Variants in ITGB1 observed in about 807,000 individuals in gnomAD.
The protein encoded by ITGB1 is integrin beta-1.
A neutral mutation model predicts 86.5 loss-of-function variants in ITGB1; 24 were observed. The observed-to-expected ratio is 0.28, with a 90% CI of 0.20 to 0.39. ITGB1 has a LOEUF of 0.39. Ranked by LOEUF, ITGB1 falls within the 10% of genes least tolerant of loss-of-function variation. The probability of loss-of-function intolerance (pLI) is 1.00; values close to 1 mark genes in which losing one functional copy is unlikely to be tolerated. For missense variants in ITGB1, 556 were observed against 946.9 expected (o/e 0.59, Z 5.42); for synonymous variants, 323 against 316.8 (o/e 1.02, Z -0.21).
At position 32,926,113 on chromosome 10, in the gene ITGB1, C is replaced by A. The variant is rs369042692; in HGVS notation, c.548-4G>T. The A allele has an allele frequency of 4.4e-6, 7 of 1,590,442 alleles. No individual in the cohort carries two copies. In the African/African-American group the frequency reaches 8.2e-5, roughly 19 times the overall value. The stretch of plus-strand genomic sequence containing the variant: ...TTTTCCACAAATGAGCCAAATCCTG[C>A]CAAGAAAAAAATGGTACATAAATGA... On this transcript the variant is annotated splice_region_variant and splice_polypyrimidine_tract_variant and intron_variant, in intron 5 of 15. Transcript: ENST00000302278.
chr10:32,932,554 A>G lies in ITGB1; in HGVS notation c.114T>C (p.Cys38=). Residue 38 remains cysteine (C), a synonymous_variant, in exon 3 of 16, where the codon TGT becomes TGC. Transcript: ENST00000302278. ...LKANAKSCGE[C]IQAGPNCGWC... ...ACCCACAATTTGGCCCTGCTTGTAT[A>G]CATTCTCCACATGATTTGGCATTTG... The G allele has an allele frequency of 6.2e-7, 1 of 1,610,886 alleles. No individual in the cohort carries two copies. The highest frequency in any genetic ancestry group is 1.3e-5 in the African/African-American group (1 of 74,968).
chr10:32,945,326 G>A (rs1019155870), intron 1 of ITGB1, among the ~76,000 whole-genome samples: 1 of 152,142 alleles, frequency 6.6e-6, no homozygotes, highest in African/African-American at 2.4e-5. Flanking sequence ...TAGGCTGGGT[G>A]CAGTGGCTCA....
At chr10:32,922,384 TATTC>T (rs1417509324) in intron 8 of ITGB1, 38 bp from the exon 9 acceptor site, 4 of 1,365,092 alleles carry the variant, frequency 2.9e-6, no homozygotes, top group Non-Finnish European at 4.2e-6. Flanking sequence ...ATACAACTGC[TATTC>T]ATTCAACCAA....
At chr10:32,941,659 G>T (rs1003009047) in intron 1 of ITGB1, among the ~76,000 whole-genome samples, 50 of 152,260 alleles carry the variant, frequency 3.3e-4, no homozygotes, top group African/African-American at 1.2e-3. Flanking sequence ...AGGACAGGGG[G>T]CAAGACAGGA....
intron 1 of ITGB1, among the ~76,000 whole-genome samples, chr10:32,939,757 TGAGTGAGTGAGA>T (rs1295035530): frequency 7.3e-6 from 1 of 136,938 alleles, no homozygotes; most frequent in African/African-American, 3.0e-5. Context: ...AGTGAGTGAG[TGAGTGAGTGAGA>T]GGGGCAAGTG....
Position 32,928,167 on chromosome 10 carries a change from A to C in ITGB1, c.474T>G (p.Asp158Glu). ...TTCCAAGACTTTTTACATTCTCCAA[A>C]TCGTCTTTCATTGAGTAAGACAGGT... ...LMDLSYSMKDDLENVKSLGTD... is the reference protein window; with the variant it reads ...LMDLSYSMKDELENVKSLGTD... Residue 158 changes from aspartate to glutamate, a missense_variant, in exon 5 of 16, where the codon GAT (aspartate) becomes GAG (glutamate). Physicochemically the swap from Asp to Glu is conservative, Grantham distance 45. Transcript: ENST00000302278. 6.6e-7 allele frequency: 1 copy of C among 1,523,154 alleles called. No individual in the cohort carries two copies. Among genetic ancestry groups the C allele is most frequent in the Non-Finnish European group, 9.1e-7 (1 of 1,096,970 alleles). 94.4% of individuals were successfully genotyped at this position (1,523,154 alleles called of 1,614,324 possible). A position where few individuals can be genotyped will look rare whatever the true frequency, so the allele number is the denominator to read the frequency against.
At chr10:32,950,473 G>A (rs756805563) in intron 1 of ITGB1, among the ~76,000 whole-genome samples, 4 of 152,070 alleles carry the variant, frequency 2.6e-5, no homozygotes, top group Non-Finnish European at 2.9e-5. Flanking sequence ...GCAGGAAGAG[G>A]TGTGTTGGTC....
intron 15 of ITGB1, 45 bp downstream of exon 15, chr10:32,908,322 AT>A: frequency 1.9e-6 from 3 of 1,561,620 alleles, no homozygotes; most frequent in Non-Finnish European, 2.6e-6. Flanking sequence ...GGAGTATTAC[AT>A]TTACTTTATA....
intron 11 of ITGB1, among the ~76,000 whole-genome samples, chr10:32,913,536 A>G (rs1359107988): frequency 1.3e-5 from 2 of 152,250 alleles, no homozygotes; most frequent in African/African-American, 2.4e-5. Context: ...AAGCTTCAGT[A>G]GCCGATTCGA....
At position 32,935,530 on chromosome 10, in the gene ITGB1, C is replaced by A. The variant is rs200458757; in HGVS notation, c.29G>T (p.Gly10Val). 55 of 1,613,262 alleles carry A rather than the reference C, an allele frequency of 3.4e-5. No homozygotes were observed. The South Asian group carries it at 6.0e-4, about 18-fold the overall frequency. MNLQPIFWI[G>V]LISSVCCVFA... is the part of the protein sequence containing the mutation. Reference sequence around the variant, plus strand: ...CACACAGCAAACTGAACTGATCAGTCCAATCCAGAAAATTGGTTGTAAATT... The same window carrying A: ...CACACAGCAAACTGAACTGATCAGTACAATCCAGAAAATTGGTTGTAAATT... Residue 10 changes from glycine to valine, a missense_variant, in exon 2 of 16, where the codon GGA becomes GTA. Coordinates refer to ENST00000302278, the MANE Select transcript of ITGB1 (RefSeq NM_002211.4).
chr10:32,950,490 G>T (rs2095040475), intron 1 of ITGB1, among the ~76,000 whole-genome samples: 1 of 152,032 alleles, frequency 6.6e-6, no homozygotes, highest in East Asian at 1.9e-4. Flanking sequence ...GGTCACTACA[G>T]AGGTGTTTAT....
chr10:32,933,056 C>T (rs1295714957), intron 2 of ITGB1, among the ~76,000 whole-genome samples: 4 of 152,040 alleles, frequency 2.6e-5, no homozygotes, highest in Non-Finnish European at 4.4e-5. Flanking sequence ...TCCTCCCCAC[C>T]TTCTCACTAC....
intron 4 of ITGB1, among the ~76,000 whole-genome samples, chr10:32,929,294 C>A (rs1266404254): frequency 1.3e-5 from 2 of 152,030 alleles, no homozygotes; most frequent in Admixed American, 6.6e-5. Flanking sequence ...AGAGGGCTGA[C>A]CTGGTTGAGG....
intron 1 of ITGB1, among the ~76,000 whole-genome samples, chr10:32,939,413 G>A (rs1371046709): frequency 6.6e-6 from 1 of 152,114 alleles, no homozygotes; most frequent in African/African-American, 2.4e-5. Flanking sequence ...TGAGAAATGC[G>A]AAGGCAATCT....
chr10:32,910,560 C>A lies in ITGB1; in HGVS notation c.1932-105G>T, dbSNP rs2094910131. 5 of 679,720 alleles carry A rather than the reference C, an allele frequency of 7.4e-6. No homozygotes were observed. In the East Asian group the frequency reaches 1.4e-4, roughly 19 times the overall value. The allele number at this position is 679,720 out of a possible 1,614,324, so 42.1% of individuals were successfully genotyped here. A position where few individuals can be genotyped will look rare whatever the true frequency, so the allele number is the denominator to read the frequency against. On this transcript the variant is annotated intron_variant, in intron 13 of 15. Transcript: ENST00000302278. ...AACTCTTGTGACCAAATTGAACAAA[C>A]AGCTATGAAGGAAGATTTCAATAAA...
At chr10:32,907,002 C>A in intron 15 of ITGB1, 2 of 743,386 alleles carry the variant, frequency 2.7e-6, no homozygotes, top group Non-Finnish European at 2.2e-6. Flanking sequence ...AAAGGACACA[C>A]AGTGCAGTAA....
intron 7 of ITGB1, 123 bp downstream of exon 7, chr10:32,923,462 A>G (rs1028851761): frequency 4.2e-6 from 3 of 722,808 alleles, no homozygotes; most frequent in African/African-American, 3.7e-5. Flanking sequence ...CAGGACCCCT[A>G]CTTACCAAAA....
chr10:32,947,244 A>G (rs961863354), intron 1 of ITGB1, among the ~76,000 whole-genome samples: 6 of 152,118 alleles, frequency 3.9e-5, no homozygotes, highest in Non-Finnish European at 7.4e-5. Context: ...GATTATCACT[A>G]GGTTATGAGG....
At chr10:32,956,638 G>A (rs117951269) in intron 1 of ITGB1, among the ~76,000 whole-genome samples, 132 of 152,238 alleles carry the variant, frequency 8.7e-4, no homozygotes, top group Middle Eastern at 3.4e-3. Context: ...AGCCTCGGAG[G>A]TTGAGGCTGC....
Sources: allele counts gnomAD v4.1 joint callset (sites outside exome capture counted in the v4.1 genomes callset), GRCh38; gene constraint gnomAD v4.1.1; transcripts MANE v1.5; gene names NCBI Gene and HGNC (gene_info 2026-07-23, HGNC 2026-07-21).